Variants in MIER1 observed in about 807,000 individuals in gnomAD.
MIER1 encodes the protein MIER1 transcriptional regulator.
MIER1 carries 40 observed loss-of-function variants against 75.7 expected under a neutral mutation model. That is an observed-to-expected ratio of 0.53 (90% CI 0.41 to 0.69). The LOEUF is 0.69. Among genes scored for constraint, MIER1 ranks in the 30% least tolerant of loss-of-function variants. The pLI, the probability that MIER1 is intolerant of heterozygous loss-of-function variation, is 0.00. For synonymous variants in MIER1, 213 were observed against 223.4 expected (o/e 0.95, Z 0.42); for missense variants, 574 against 680.2 (o/e 0.84, Z 1.74).
chr1:66,941,289 CT>C (rs886532785), intron 3 of MIER1, among the ~76,000 whole-genome samples: 54 of 152,224 alleles, frequency 3.5e-4, no homozygotes, highest in Admixed American at 1.7e-3. Context: ...GTACATTAGG[CT>C]TTGTGCATTT....
At chr1:66,935,477 C>G (rs894767017) in intron 2 of MIER1, among the ~76,000 whole-genome samples, 2 of 152,090 alleles carry the variant, frequency 1.3e-5, no homozygotes, top group Admixed American at 6.5e-5. Context: ...TTCAAAATTA[C>G]AGCTTAAAAA....
intron 12 of MIER1, among the ~76,000 whole-genome samples, chr1:66,978,816 T>C (rs1157442134): frequency 6.6e-6 from 1 of 152,224 alleles, no homozygotes; most frequent in African/African-American, 2.4e-5. Context: ...TGGTCCTCTG[T>C]GATGTCAAGA....
chr1:66,958,727 A>T (rs1366544459), intron 5 of MIER1, 124 bp from the exon 6 acceptor site: 1 of 695,202 alleles, frequency 1.4e-6, no homozygotes, highest in African/African-American at 1.8e-5. Flanking sequence ...CCAGAGGATG[A>T]TACTACATCT....
At chr1:66,948,138 C>T (rs1658106532) in intron 4 of MIER1, 8 of 877,146 alleles carry the variant, frequency 9.1e-6, no homozygotes, top group Non-Finnish European at 1.1e-5. Context: ...GACTGTTATT[C>T]ACCAGTGTAT....
At chr1:66,948,971 C>A (rs1658296940) in intron 4 of MIER1, among the ~76,000 whole-genome samples, 1 of 152,118 alleles carries the variant, frequency 6.6e-6, no homozygotes, top group Non-Finnish European at 1.5e-5. Flanking sequence ...GAAGTCAGAA[C>A]TATTGTTTAA....
chr1:66,944,095 C>A (rs1177519472), intron 3 of MIER1, among the ~76,000 whole-genome samples: 1 of 151,760 alleles, frequency 6.6e-6, no homozygotes, highest in Non-Finnish European at 1.5e-5. Flanking sequence ...TAGTATCTGG[C>A]ATATGGTAAG....
Position 66,946,741 on chromosome 1 carries a change from T to G in MIER1, c.339+446T>G, listed in dbSNP as rs1233273617. 7 of 985,676 alleles carry G rather than the reference T, an allele frequency of 7.1e-6. No individual in the cohort carries two copies. The African/African-American group carries it at 1.2e-4, about 17-fold the overall frequency. 61.1% of individuals were successfully genotyped at this position (985,676 alleles called of 1,614,324 possible). A position where few individuals can be genotyped will look rare whatever the true frequency, so the allele number is the denominator to read the frequency against. ...AAGTGCTCTAGATTATCTCCACCTC[T>G]TCCTATCAAGGTGACCAGTGAACTT... On this transcript the variant is annotated intron_variant, in intron 4 of 13. Transcript: ENST00000401041.
At chr1:66,948,431 A>G (rs546265950) in intron 4 of MIER1, among the ~76,000 whole-genome samples, 8 of 152,342 alleles carry the variant, frequency 5.3e-5, no homozygotes, top group Admixed American at 3.3e-4. Context: ...AAGGAGTTCT[A>G]TTACTGTTTA....
intron 8 of MIER1, among the ~76,000 whole-genome samples, chr1:66,964,945 A>C (rs760823491): frequency 7.2e-5 from 11 of 152,152 alleles, no homozygotes; most frequent in Non-Finnish European, 1.5e-4. Context: ...TATTCTAAGT[A>C]TGCACCTACT....
rs1451272737 is a variant in MIER1 at position 66,988,275 on chromosome 1, C to CT, written c.*3380dup. 6 of 152,278 alleles carry CT rather than the reference C, an allele frequency of 3.9e-5. No individual in the cohort carries two copies. Among genetic ancestry groups the CT allele is most frequent in the Non-Finnish European group, 7.4e-5 (5 of 68,008 alleles). 9.4% of individuals were successfully genotyped at this position (152,278 alleles called of 1,614,324 possible). A position where few individuals can be genotyped will look rare whatever the true frequency, so the allele number is the denominator to read the frequency against. On this transcript the variant is annotated 3_prime_UTR_variant, in exon 14 of 14. Coordinates refer to ENST00000401041, the MANE Select transcript of MIER1 (RefSeq NM_001077700.3). Reference sequence around the variant, plus strand: ...AAATGACTCTCTTCTCTCAAAATGACTTTTTCTGTATCACATAATTCTACT... The same window carrying CT: ...AAATGACTCTCTTCTCTCAAAATGACTTTTTTCTGTATCACATAATTCTACT...
intron 3 of MIER1, among the ~76,000 whole-genome samples, chr1:66,944,914 C>T (rs1170461531): frequency 4.6e-5 from 7 of 151,722 alleles, no homozygotes; most frequent in Non-Finnish European, 8.8e-5. Context: ...TTTGTAGAGA[C>T]GGTGTCTCAT....
intron 7 of MIER1, among the ~76,000 whole-genome samples, chr1:66,961,072 A>G (rs1296656428): frequency 6.6e-6 from 1 of 152,290 alleles, no homozygotes; most frequent in East Asian, 1.9e-4. Context: ...AATTACCCAC[A>G]CCTTACTCAG....
At chr1:66,930,314 T>C (rs965588749) in intron 2 of MIER1, 6 of 1,586,784 alleles carry the variant, frequency 3.8e-6, no homozygotes, top group Non-Finnish European at 5.1e-6. Context: ...GGAGTCCCGT[T>C]GCTGAGTCTC....
intron 1 of MIER1, chr1:66,925,314 T>C: frequency 1.0e-6 from 1 of 985,374 alleles, no homozygotes. Flanking sequence ...CCTCTGGCCA[T>C]CGACTGCCTC....
chr1:66,945,294 TATATATATATATATATATATATA>T (rs1657297836), intron 3 of MIER1, among the ~76,000 whole-genome samples: 1 of 8,578 alleles, frequency 1.2e-4, no homozygotes, highest in African/African-American at 4.7e-4. Flanking sequence ...TATATATATA[TATATATATATATATATATATATA>T]AAATACCTAA....
intron 2 of MIER1, among the ~76,000 whole-genome samples, chr1:66,936,408 AT>A (rs1245387259): frequency 6.6e-6 from 1 of 151,274 alleles, no homozygotes; most frequent in Non-Finnish European, 1.5e-5. Context: ...AAGTTTTTGT[AT>A]TTTAGTAGAG....
At chr1:66,979,828 A>C (rs538567316) in intron 12 of MIER1, among the ~76,000 whole-genome samples, 2 of 151,614 alleles carry the variant, frequency 1.3e-5, no homozygotes, top group African/African-American at 4.8e-5. Context: ...ACAGTGGCGC[A>C]ATCTCGGCTC....
At chr1:66,978,314 C>G (rs2102005294) in intron 12 of MIER1, among the ~76,000 whole-genome samples, 1 of 152,160 alleles carries the variant, frequency 6.6e-6, no homozygotes, top group East Asian at 1.9e-4. Flanking sequence ...TGGTCACTTC[C>G]TTAGAAGGTC....
chr1:66,945,048 T>C (rs1423833913), intron 3 of MIER1, among the ~76,000 whole-genome samples: 1 of 152,128 alleles, frequency 6.6e-6, no homozygotes, highest in Non-Finnish European at 1.5e-5. Flanking sequence ...TTCAAGGAAG[T>C]ACTTATAGAA....
Sources: allele counts gnomAD v4.1 joint callset (sites outside exome capture counted in the v4.1 genomes callset), GRCh38; gene constraint gnomAD v4.1.1; transcripts MANE v1.5; gene names NCBI Gene and HGNC (gene_info 2026-07-23, HGNC 2026-07-21).